Variants in PEBP4 observed in about 807,000 individuals in gnomAD.
PEBP4 encodes the protein phosphatidylethanolamine-binding protein 4.
In PEBP4, 22 loss-of-function variants were observed where a neutral mutation model predicts 23.9. The ratio of observed to expected loss-of-function variants is 0.92; its 90% CI spans 0.66 to 1.31. PEBP4 has a LOEUF of 1.31. PEBP4 is among the 40% of genes most tolerant of loss of function. The probability of loss-of-function intolerance (pLI) is 0.00; values close to 1 mark genes in which losing one functional copy is unlikely to be tolerated. For synonymous variants in PEBP4, 112 were observed against 99.3 expected, an observed-to-expected ratio of 1.13 and a Z score of -0.76; for missense variants, 324 against 281.7, an observed-to-expected ratio of 1.15 and a Z score of -1.07.
chr8:22,885,156 C>T (rs532749205), intron 3 of PEBP4: 1 of 152,304 alleles, frequency 6.6e-6, no homozygotes, highest in East Asian at 1.9e-4. Flanking sequence ...AGGAGATGAA[C>T]ACCGTCCTTG....
chr8:22,870,807 A>T lies in PEBP4; in HGVS notation c.258+49377T>A, dbSNP rs144780168. Among the ~76,000 whole-genome samples, 3 of 152,270 alleles carry T rather than the reference A, an allele frequency of 2.0e-5. No homozygotes were observed. The East Asian group carries it at 5.8e-4, about 29-fold the overall frequency. ...AGTTGAATGGGCCACAGGTCTTTTC[A>T]AACAGTAGATCTGCAGGCTCTAAAT... On this transcript the variant is annotated intron_variant, in intron 3 of 6. Coordinates refer to ENST00000256404, the MANE Select transcript of PEBP4 (RefSeq NM_144962.3).
intron 4 of PEBP4, among the ~76,000 whole-genome samples, chr8:22,816,578 C>G (rs1444239240): frequency 6.6e-6 from 1 of 152,236 alleles, no homozygotes; most frequent in African/African-American, 2.4e-5. Context: ...ATTGGCTCAT[C>G]ATGACAATCA....
At chr8:22,922,842 G>A (rs1362857368) in intron 2 of PEBP4, among the ~76,000 whole-genome samples, 6 of 152,178 alleles carry the variant, frequency 3.9e-5, no homozygotes, top group Admixed American at 1.3e-4. Flanking sequence ...AGAGTTTGGG[G>A]ATCTCCTGAT....
chr8:22,759,858 C>G (rs542287679), intron 4 of PEBP4, among the ~76,000 whole-genome samples: 1 of 152,248 alleles, frequency 6.6e-6, no homozygotes, highest in South Asian at 2.1e-4. Context: ...ACACGGAGCT[C>G]AAGGCAGCGT....
intron 3 of PEBP4, among the ~76,000 whole-genome samples, chr8:22,872,905 G>A (rs1808036743): frequency 6.6e-6 from 1 of 152,160 alleles, no homozygotes; most frequent in Admixed American, 6.5e-5. Flanking sequence ...TCGAACTCCT[G>A]ATGTCAGGTG....
At chr8:22,782,300 G>A (rs770804319) in intron 4 of PEBP4, among the ~76,000 whole-genome samples, 4 of 152,204 alleles carry the variant, frequency 2.6e-5, no homozygotes, top group African/African-American at 4.8e-5. Context: ...GCAATCATGT[G>A]AGCTATAAAA....
intron 4 of PEBP4, among the ~76,000 whole-genome samples, chr8:22,772,493 CTT>C (rs34489811): frequency 4.6e-4 from 56 of 121,584 alleles, no homozygotes; most frequent in African/African-American, 8.8e-4. Context: ...CTCTCTCTCT[CTT>C]TTTTTTTTTT....
At chr8:22,812,064 A>G (rs559743583) in intron 4 of PEBP4, among the ~76,000 whole-genome samples, 1 of 152,334 alleles carries the variant, frequency 6.6e-6, no homozygotes, top group African/African-American at 2.4e-5. Context: ...ACTGAGCCTC[A>G]GAGGCTTCTC....
At chr8:22,715,162 G>GGGGGCTGGAAAACAAGGGGTTCCA (rs1325811522) in intron 6 of PEBP4, among the ~76,000 whole-genome samples, 1 of 152,188 alleles carries the variant, frequency 6.6e-6, no homozygotes, top group African/African-American at 2.4e-5. Flanking sequence ...TGGGGCCCAG[G>GGGGGCTGGAAAACAAGGGGTTCCA]GGGGCTGGAA....
At chr8:22,868,882 G>A (rs1807955313) in intron 3 of PEBP4, among the ~76,000 whole-genome samples, 1 of 152,186 alleles carries the variant, frequency 6.6e-6, no homozygotes, top group African/African-American at 2.4e-5. Context: ...GGTGGCCAGA[G>A]AAGTCGTGTT....
chr8:22,736,096 C>A (rs949306982), intron 4 of PEBP4, among the ~76,000 whole-genome samples: 1 of 152,068 alleles, frequency 6.6e-6, no homozygotes, highest in Non-Finnish European at 1.5e-5. Context: ...TGTCTGCCCT[C>A]GGGGAACTCC....
chr8:22,807,081 C>T (rs781396304), intron 4 of PEBP4, among the ~76,000 whole-genome samples: 1 of 152,186 alleles, frequency 6.6e-6, no homozygotes, highest in Admixed American at 6.5e-5. Context: ...TTTGGGAATC[C>T]ACATTTTCCT....
In PEBP4 at chr8:22,767,759, G is replaced by A. The variant is rs1805638413; in HGVS notation, c.358-40539C>T. Among the ~76,000 whole-genome samples, 4 of 152,094 alleles carry A rather than the reference G, an allele frequency of 2.6e-5. No homozygotes were observed. The South Asian group carries it at 8.3e-4, about 32-fold the overall frequency. ...TGATGTATGTACTTGTAACTACATA[G>A]TTTTTTCTTTTTTGAGATGGAGTTT... On this transcript the variant is annotated intron_variant, in intron 4 of 6. Transcript: ENST00000256404.
chr8:22,815,328 G>A (rs1806717798), intron 4 of PEBP4, among the ~76,000 whole-genome samples: 1 of 152,224 alleles, frequency 6.6e-6, no homozygotes, highest in Non-Finnish European at 1.5e-5. Context: ...GACCGAGGTG[G>A]AAGTTCTGCG....
chr8:22,853,038 T>G (rs1030292533), intron 3 of PEBP4, among the ~76,000 whole-genome samples: 2 of 152,210 alleles, frequency 1.3e-5, no homozygotes, highest in African/African-American at 4.8e-5. Context: ...ACTGGGGGAC[T>G]GAGGGGTCAC....
chr8:22,914,577 G>A (rs1809030059), intron 3 of PEBP4, among the ~76,000 whole-genome samples: 1 of 152,198 alleles, frequency 6.6e-6, no homozygotes, highest in South Asian at 2.1e-4. Context: ...TGCGTTTCCT[G>A]TGGCCTCACC....
At chr8:22,827,440 C>T (rs1188572215) in intron 3 of PEBP4, among the ~76,000 whole-genome samples, 3 of 152,184 alleles carry the variant, frequency 2.0e-5, no homozygotes, top group Admixed American at 1.3e-4. Context: ...CTTTCTGTCT[C>T]TGTAATCTCC....
chr8:22,797,965 G>T (rs549209700), intron 4 of PEBP4, among the ~76,000 whole-genome samples: 1 of 152,238 alleles, frequency 6.6e-6, no homozygotes, highest in African/African-American at 2.4e-5. Flanking sequence ...TTCCCCAGGG[G>T]CTGGGAAACT....
chr8:22,748,397 C>T (rs968045058), intron 4 of PEBP4, among the ~76,000 whole-genome samples: 9 of 151,864 alleles, frequency 5.9e-5, no homozygotes, highest in South Asian at 2.1e-4. Context: ...CCCAAGCCTC[C>T]GGGATGCTGG....
Sources: gnomAD v4.1 joint callset for allele counts (sites outside exome capture counted in the v4.1 genomes callset) on GRCh38, gnomAD v4.1.1 for gene constraint, MANE v1.5 for transcripts, NCBI Gene and HGNC (gene_info 2026-07-23, HGNC 2026-07-21) for gene names.